The following EHD2 variants were observed in gnomAD, a reference collection of about 807,000 sequenced individuals.
The protein encoded by EHD2 is EH domain containing 2.
In EHD2, 27 loss-of-function variants were observed where a neutral mutation model predicts 41.0. The observed-to-expected ratio is 0.66, with a 90% confidence interval of 0.49 to 0.91. EHD2 has a LOEUF of 0.91. EHD2 is among the 40% of genes least tolerant of loss of function. The probability of loss-of-function intolerance (pLI) is 0.00; values close to 1 mark genes in which losing one functional copy is unlikely to be tolerated. For missense variants in EHD2, 673 were observed against 773.9 expected, an observed-to-expected ratio of 0.87 and a Z score of 1.55; for synonymous variants, 342 against 341.0, an observed-to-expected ratio of 1.00 and a Z score of -0.03.
At chr19:47,714,009 C>G (rs558100419) in intron 1 of EHD2, among the ~76,000 whole-genome samples, 1 of 152,270 alleles carries the variant, frequency 6.6e-6, no homozygotes, top group Non-Finnish European at 1.5e-5. Context: ...TCCCTCTGCC[C>G]ACATCCCAGA....
At chr19:47,724,785 T>A (rs1168345537) in intron 3 of EHD2, among the ~76,000 whole-genome samples, 1 of 151,918 alleles carries the variant, frequency 6.6e-6, no homozygotes, top group African/African-American at 2.4e-5. Context: ...CTTCTCAGCC[T>A]GGCCAACATG....
rs1489702518 is a variant in EHD2 at position 47,731,295 on chromosome 19, T to TATAC, written c.916-5071_916-5070insCATA. The TATAC allele has an allele frequency of 8.8e-4, 59 of 67,320 alleles. 2 individuals carry two copies. The highest frequency in any genetic ancestry group is 1.6e-3 in the Non-Finnish European group (41 of 25,874). 4.2% of individuals were successfully genotyped at this position (67,320 alleles called of 1,614,324 possible). On this transcript the variant is annotated intron_variant, in intron 4 of 5. Transcript: ENST00000263277. The stretch of plus-strand genomic sequence containing the variant: ...AAAAAAAAAAATATATATATATATA[T>TATAC]ATATATACATATATATATAATTTTT...
chr19:47,730,451 C>T (rs764605708), intron 4 of EHD2, among the ~76,000 whole-genome samples: 4 of 152,126 alleles, frequency 2.6e-5, no homozygotes, highest in Non-Finnish European at 5.9e-5. Context: ...ATTTAGGGTC[C>T]GCTGTGACCA....
intron 4 of EHD2, chr19:47,733,165 T>C (rs994005441): frequency 6.6e-6 from 1 of 152,008 alleles, no homozygotes; most frequent in Middle Eastern, 3.2e-3. Context: ...AAATATTTCC[T>C]GAGTGTTTTC....
intron 4 of EHD2, among the ~76,000 whole-genome samples, chr19:47,726,671 T>G (rs1205946588): frequency 1.3e-5 from 2 of 151,542 alleles, no homozygotes; most frequent in Non-Finnish European, 2.9e-5. Flanking sequence ...CCTCTTTCGT[T>G]CCCTCTTCTT....
rs1973747268 is a variant in EHD2, at chr19:47,726,001, G to A, written c.692G>A (p.Arg231His). 6.2e-7 allele frequency: 1 copy of A among 1,607,892 alleles called. No individual in the cohort carries two copies. Among genetic ancestry groups the A allele is most frequent in the Non-Finnish European group, 8.5e-7 (1 of 1,176,286 alleles). ...ATGGTGGAGACGCAGCAGCTGATGC[G>A]CGTCTACGGCGCGCTCATGTGGGCG... ...ADMVETQQLMRVYGALMWALG... is the reference protein window; with the variant it reads ...ADMVETQQLMHVYGALMWALG... Residue 231 changes from arginine (R) to histidine (H), a missense_variant, in exon 4 of 6, where the codon CGC becomes CAC. Physicochemically the swap from Arg to His is conservative, Grantham distance 29. Coordinates refer to ENST00000263277, the MANE Select transcript of EHD2 (RefSeq NM_014601.4).
At chr19:47,736,318 A>G in intron 4 of EHD2, 51 bp from the exon 5 acceptor site, 1 of 1,544,974 alleles carries the variant, frequency 6.5e-7, no homozygotes, top group South Asian at 1.2e-5. Context: ...GTGTTTTAAC[A>G]AGCTCCCTGG....
In EHD2 at chr19:47,716,908, C is replaced by A. The variant is rs779163383; in HGVS notation, c.296C>A (p.Ala99Asp). The A allele has an allele frequency of 1.7e-5, 27 of 1,611,816 alleles. No homozygotes were observed. Among genetic ancestry groups the A allele is most frequent in the Non-Finnish European group, 2.2e-5 (26 of 1,179,946 alleles). The change falls in exon 2 of 6, where the codon GCC becomes GAC. Residue 99 changes from alanine to aspartate, a missense_variant. Physicochemically the swap from Ala to Asp is moderately radical, Grantham distance 126 (BLOSUM62 -2). Transcript: ENST00000263277. ...GAGCCCACCACCGACTGCTTTGTGG[C>A]CGTCATGCACGGGGACACTGAGGGC... Reference protein sequence around the residue: ...GPEPTTDCFVAVMHGDTEGTV... With the variant: ...GPEPTTDCFVDVMHGDTEGTV...
intron 4 of EHD2, chr19:47,731,279 A>AAATTATATAT: frequency 3.3e-5 from 2 of 60,934 alleles, no homozygotes; most frequent in East Asian, 9.5e-4. Flanking sequence ...AAAAAAAAAA[A>AAATTATATAT]ATATATATAT....
Position 47,741,478 on chromosome 19 carries a change from C to A in EHD2, c.*46C>A. The stretch of plus-strand genomic sequence containing the variant: ...CCTGCTGTGGCTCCCCAGCTCCAGT[C>A]GGCTGCACGCACACCCCTGCTCCGG... On this transcript the variant is annotated 3_prime_UTR_variant, in exon 6 of 6. Coordinates refer to ENST00000263277, the MANE Select transcript of EHD2 (RefSeq NM_014601.4). The surrounding 1 kb of genome is among the most constrained non-coding windows in gnomAD (Gnocchi z 4.5). 6.6e-7 allele frequency: 1 copy of A among 1,523,272 alleles called. No individual in the cohort carries two copies. Among genetic ancestry groups the A allele is most frequent in the South Asian group, 1.2e-5 (1 of 83,724 alleles). 94.4% of individuals were successfully genotyped at this position (1,523,272 alleles called of 1,614,324 possible). A position where few individuals can be genotyped will look rare whatever the true frequency, so the allele number is the denominator to read the frequency against.
In EHD2 at chr19:47,741,262, C is replaced by T. The variant is rs754640693; in HGVS notation, c.1462C>T (p.Arg488Cys). ...CAAGCTCCCCAACTCAGTGCTGGGG[C>T]GCATCTGGAAGCTCAGCGATGTGGA... ...GTKLPNSVLGRIWKLSDVDRD... is the reference protein window; with the variant it reads ...GTKLPNSVLGCIWKLSDVDRD... The change falls in exon 6 of 6, where the codon CGC (arginine) becomes TGC (cysteine). Residue 488 changes from arginine (R) to cysteine (C), a missense_variant. By Grantham distance (180) the Arg-to-Cys change is radical (BLOSUM62 -3). Coordinates refer to ENST00000263277, the MANE Select transcript of EHD2 (RefSeq NM_014601.4). The surrounding 1 kb of genome is among the most constrained non-coding windows in gnomAD (Gnocchi z 4.5). 1.9e-5 allele frequency: 30 copies of T among 1,614,012 alleles called. No homozygotes were observed. The highest frequency in any genetic ancestry group is 1.0e-4 in the Admixed American group (6 of 59,998).
At position 47,740,918 on chromosome 19, in the gene EHD2, C is replaced by T. The variant is rs752030264; in HGVS notation, c.1118C>T (p.Ser373Leu). The change falls in exon 6 of 6, where the codon TCG becomes TTG. Residue 373 changes from serine to leucine, a missense_variant. Transcript: ENST00000263277. ...LMAHDFTKFHSLKPKLLEALD... is the reference protein window; with the variant it reads ...LMAHDFTKFHLLKPKLLEALD... ...GCGCACGACTTCACCAAGTTTCACT[C>T]GCTGAAGCCGAAGCTGCTAGAGGCA... The T allele has an allele frequency of 3.1e-6, 5 of 1,613,328 alleles. No individual in the cohort carries two copies. Among genetic ancestry groups the T allele is most frequent in the Non-Finnish European group, 3.4e-6 (4 of 1,179,902 alleles).
chr19:47,737,422 C>A (rs191197256), intron 5 of EHD2, among the ~76,000 whole-genome samples: 3 of 151,782 alleles, frequency 2.0e-5, no homozygotes, highest in Admixed American at 6.6e-5. Flanking sequence ...TGTGGGAGGC[C>A]AAGGCGGGTG....
chr19:47,721,680 T>C (rs2123640448), intron 3 of EHD2, among the ~76,000 whole-genome samples: 1 of 152,116 alleles, frequency 6.6e-6, no homozygotes, highest in African/African-American at 2.4e-5. Flanking sequence ...CTCAGTTTTC[T>C]TACCTGCAAA....
chr19:47,725,699 G>A (rs1973743358), intron 3 of EHD2, 113 bp from the exon 4 acceptor site: 6 of 1,371,986 alleles, frequency 4.4e-6, no homozygotes, highest in Admixed American at 5.0e-5. Flanking sequence ...AGCCAACAAC[G>A]TGAACATCTT....
chr19:47,738,162 A>G (rs573601029), intron 5 of EHD2, among the ~76,000 whole-genome samples: 1 of 152,068 alleles, frequency 6.6e-6, no homozygotes, highest in East Asian at 1.9e-4. Flanking sequence ...GATTATAGGC[A>G]GGAGCCACCA....
At chr19:47,725,396 C>CAAAAAAAAAAAA (rs10676405) in intron 3 of EHD2, among the ~76,000 whole-genome samples, 2 of 74,266 alleles carry the variant, frequency 2.7e-5, no homozygotes, top group Admixed American at 1.6e-4. Context: ...CATCTCTACT[C>CAAAAAAAAAAAA]AAAAAAAAAA....
intron 5 of EHD2, among the ~76,000 whole-genome samples, chr19:47,740,181 C>T (rs1966970267): frequency 6.6e-6 from 1 of 152,096 alleles, no homozygotes; most frequent in South Asian, 2.1e-4. Flanking sequence ...GCCTGGGCAA[C>T]ATAGCAAGAC....
chr19:47,716,968 A>G lies in EHD2; in HGVS notation c.356A>G (p.Asp119Gly). ...GGCAACGCCCTCGTCGTGGACCCGGACAAGCCCTTCCGCAAACTCAACCCT... is the reference window on the plus strand; with the variant it reads ...GGCAACGCCCTCGTCGTGGACCCGGGCAAGCCCTTCCGCAAACTCAACCCT... Reference protein sequence around the residue: ...VPGNALVVDPDKPFRKLNPFG... With the variant: ...VPGNALVVDPGKPFRKLNPFG... The change falls in exon 2 of 6, where the codon GAC (aspartate) becomes GGC (glycine). Residue 119 changes from aspartate (D) to glycine (G), a missense_variant. By Grantham distance (94) the Asp-to-Gly change is moderately conservative. Coordinates refer to ENST00000263277, the MANE Select transcript of EHD2 (RefSeq NM_014601.4). The G allele has an allele frequency of 1.2e-6, 2 of 1,604,890 alleles. No individual in the cohort carries two copies. The highest frequency in any genetic ancestry group is 1.7e-6 in the Non-Finnish European group (2 of 1,179,954).
Sources: gnomAD v4.1 joint callset for allele counts (sites outside exome capture counted in the v4.1 genomes callset) on GRCh38, gnomAD v4.1.1 for gene constraint, Gnocchi (gnomAD v3.1) non-coding constraint, MANE v1.5 for transcripts, NCBI Gene and HGNC (gene_info 2026-07-23, HGNC 2026-07-21) for gene names.